Variants in YAP1 observed in about 807,000 individuals in gnomAD.
The protein encoded by YAP1 is transcriptional coactivator YAP1.
YAP1 carries 5 observed loss-of-function variants against 56.9 expected under a neutral mutation model. The ratio of observed to expected loss-of-function variants is 0.09; its 90% CI spans 0.05 to 0.18. YAP1 has a LOEUF of 0.18. Ranked by LOEUF, YAP1 falls within the 10% of genes least tolerant of loss-of-function variation. The probability of loss-of-function intolerance (pLI) is 1.00; values close to 1 mark genes in which losing one functional copy is unlikely to be tolerated. For missense variants in YAP1, 539 were observed against 651.8 expected, an observed-to-expected ratio of 0.83 and a Z score of 1.88; for synonymous variants, 265 against 248.1, an observed-to-expected ratio of 1.07 and a Z score of -0.64.
intron 4 of YAP1, among the ~76,000 whole-genome samples, chr11:102,189,666 G>T (rs1179575353): frequency 1.3e-5 from 2 of 152,084 alleles, no homozygotes; most frequent in Non-Finnish European, 2.9e-5. Flanking sequence ...AAACCTCATA[G>T]GTTGATTTTG....
intron 4 of YAP1, among the ~76,000 whole-genome samples, chr11:102,198,567 T>A (rs1286181702): frequency 6.6e-6 from 1 of 152,204 alleles, no homozygotes; most frequent in Non-Finnish European, 1.5e-5. Context: ...TTGAAATCAA[T>A]CATGTTTTAT....
chr11:102,210,467 T>A (rs1037756835), intron 6 of YAP1, among the ~76,000 whole-genome samples: 4 of 152,224 alleles, frequency 2.6e-5, no homozygotes, highest in African/African-American at 9.6e-5. Flanking sequence ...ATGATAAAAG[T>A]CAGATACAGT....
At chr11:102,136,798 T>G (rs541683624) in intron 2 of YAP1, among the ~76,000 whole-genome samples, 2 of 152,264 alleles carry the variant, frequency 1.3e-5, no homozygotes, top group Non-Finnish European at 2.9e-5. Flanking sequence ...CCTCACTGAT[T>G]AGTGATTGCA....
chr11:102,202,493 T>A (rs935773506), intron 4 of YAP1, among the ~76,000 whole-genome samples: 2 of 151,554 alleles, frequency 1.3e-5, no homozygotes, highest in Non-Finnish European at 2.9e-5. Flanking sequence ...TTTTTTTTTT[T>A]AAACCCTCAT....
At chr11:102,200,836 T>TA (rs1431923697) in intron 4 of YAP1, among the ~76,000 whole-genome samples, 2 of 152,282 alleles carry the variant, frequency 1.3e-5, no homozygotes, top group East Asian at 3.9e-4. Context: ...TTCTTATCCT[T>TA]AGTGTATAGA....
chr11:102,139,908 C>T (rs190564721), intron 2 of YAP1, among the ~76,000 whole-genome samples: 106 of 152,018 alleles, frequency 7.0e-4, no homozygotes, highest in Non-Finnish European at 1.3e-3. Context: ...TGAAAATAGC[C>T]TAATTGTGTT....
intron 4 of YAP1, among the ~76,000 whole-genome samples, chr11:102,203,001 C>A (rs1287654873): frequency 6.6e-6 from 1 of 152,146 alleles, no homozygotes; most frequent in African/African-American, 2.4e-5. Context: ...GTAGAAGATT[C>A]TTTGAGGCAA....
intron 2 of YAP1, among the ~76,000 whole-genome samples, chr11:102,134,122 G>C (rs1253641425): frequency 2.6e-5 from 4 of 152,180 alleles, no homozygotes; most frequent in African/African-American, 4.8e-5. Context: ...GGAGGACACG[G>C]ATATTTAGTC....
intron 4 of YAP1, among the ~76,000 whole-genome samples, chr11:102,200,676 C>G (rs1011680371): frequency 1.3e-5 from 2 of 152,026 alleles, no homozygotes; most frequent in African/African-American, 2.4e-5. Context: ...AACTTCTGAC[C>G]TCTAGTGATC....
intron 6 of YAP1, among the ~76,000 whole-genome samples, chr11:102,221,862 A>G (rs1241998042): frequency 2.6e-5 from 4 of 152,176 alleles, no homozygotes; most frequent in African/African-American, 4.8e-5. Flanking sequence ...TATATGTTCT[A>G]TTGGTGAAAA....
chr11:102,224,987 C>A (rs1014832307), intron 7 of YAP1, among the ~76,000 whole-genome samples: 1 of 152,098 alleles, frequency 6.6e-6, no homozygotes, highest in African/African-American at 2.4e-5. Context: ...ATCCTTCTGA[C>A]AGTCACTTAT....
At chr11:102,211,716 T>G (rs1361885488) in intron 6 of YAP1, among the ~76,000 whole-genome samples, 2 of 152,122 alleles carry the variant, frequency 1.3e-5, no homozygotes, top group Non-Finnish European at 2.9e-5. Flanking sequence ...TCTTCTTTTT[T>G]TTTTTGAGAT....
intron 7 of YAP1, among the ~76,000 whole-genome samples, chr11:102,225,685 T>C (rs7124247): frequency 0.34 from 52,244 of 151,924 alleles, 9,100 homozygotes; most frequent in East Asian, 0.41. Flanking sequence ...TCCATGAAAC[T>C]TTTACCCTTT....
chr11:102,215,001 T>C (rs1032650418), intron 6 of YAP1, among the ~76,000 whole-genome samples: 5 of 152,170 alleles, frequency 3.3e-5, no homozygotes, highest in Admixed American at 3.3e-4. Context: ...CTTTTTTTAA[T>C]CAAAAAAGTT....
At position 102,205,949 on chromosome 11, in the gene YAP1, C is replaced by G. The variant is rs777667802; in HGVS notation, c.859C>G (p.Pro287Ala). ...APVKQPPPLA[P>A]QSPQGGVMGG... The stretch of plus-strand genomic sequence containing the variant: ...AGTGAAACAGCCACCACCCCTGGCT[C>G]CCCAGAGCCCACAGGGAGGCGTCAT... Residue 287 changes from proline (P) to alanine (A), a missense_variant, in exon 5 of 9, where the codon CCC becomes GCC. By Grantham distance (27) the Pro-to-Ala change is conservative. Coordinates refer to ENST00000282441, the MANE Select transcript of YAP1 (RefSeq NM_001130145.3). 3.1e-6 allele frequency: 5 copies of G among 1,612,690 alleles called. No homozygotes were observed. In the Admixed American group the frequency reaches 8.3e-5, roughly 27 times the overall value.
At chr11:102,204,549 TG>T (rs1056319100) in intron 4 of YAP1, among the ~76,000 whole-genome samples, 3 of 152,160 alleles carry the variant, frequency 2.0e-5, no homozygotes, top group African/African-American at 7.2e-5. Context: ...AAATTCTTAA[TG>T]TATAGGATGG....
At chr11:102,199,186 C>G (rs1948720304) in intron 4 of YAP1, among the ~76,000 whole-genome samples, 4 of 152,112 alleles carry the variant, frequency 2.6e-5, no homozygotes. Flanking sequence ...AATAATCAGT[C>G]CTCATAATAA....
chr11:102,140,620 G>A (rs899386213), intron 2 of YAP1, among the ~76,000 whole-genome samples: 7 of 152,106 alleles, frequency 4.6e-5, no homozygotes, highest in African/African-American at 1.2e-4. Context: ...CAAAGCGGAC[G>A]GATCACGAGG....
intron 2 of YAP1, among the ~76,000 whole-genome samples, chr11:102,117,138 AGAT>A (rs547793246): frequency 1.3e-3 from 194 of 152,322 alleles, no homozygotes; most frequent in African/African-American, 4.4e-3. Flanking sequence ...CATTAGTCAA[AGAT>A]GATGATAAAC....
Sources: gnomAD v4.1 joint callset for allele counts (sites outside exome capture counted in the v4.1 genomes callset) on GRCh38, gnomAD v4.1.1 for gene constraint, MANE v1.5 for transcripts, NCBI Gene and HGNC (gene_info 2026-07-23, HGNC 2026-07-21) for gene names.